CPNE4: variants seen among roughly 807,000 people sequenced by gnomAD.
CPNE4 encodes the protein copine-4.
CPNE4 carries 25 observed loss-of-function variants against 67.9 expected under a neutral mutation model. The observed-to-expected ratio is 0.37, with a 90% confidence interval of 0.27 to 0.51. The LOEUF is 0.51. Ranked by LOEUF, CPNE4 falls within the 20% of genes least tolerant of loss-of-function variation. CPNE4 has a pLI of 0.93. For synonymous variants in CPNE4, 242 were observed against 244.9 expected (o/e 0.99, Z 0.11); for missense variants, 464 against 690.8 (o/e 0.67, Z 3.68).
intron 7 of CPNE4, among the ~76,000 whole-genome samples, chr3:131,632,061 A>T (rs1202256818): frequency 6.6e-6 from 1 of 150,414 alleles, no homozygotes. Context: ...CCAAGATTGC[A>T]CCACTGCGCA....
At chr3:131,974,713 AG>A (rs1447651830) in intron 1 of CPNE4, among the ~76,000 whole-genome samples, 1 of 152,200 alleles carries the variant, frequency 6.6e-6, no homozygotes. Flanking sequence ...AAGGGATTAA[AG>A]AAAAAGAGAT....
At chr3:131,570,210 G>A (rs977166257) in intron 10 of CPNE4, among the ~76,000 whole-genome samples, 1 of 151,790 alleles carries the variant, frequency 6.6e-6, no homozygotes, top group African/African-American at 2.4e-5. Flanking sequence ...TGCTGACAGA[G>A]TGCCTGTGTA....
chr3:131,894,660 A>G (rs1029225470), intron 2 of CPNE4, among the ~76,000 whole-genome samples: 2 of 152,030 alleles, frequency 1.3e-5, no homozygotes, highest in African/African-American at 4.8e-5. Context: ...GAAAACCACA[A>G]TGAGATACCT....
At chr3:131,624,245 C>G (rs979932880) in intron 7 of CPNE4, among the ~76,000 whole-genome samples, 1 of 152,208 alleles carries the variant, frequency 6.6e-6, no homozygotes, top group South Asian at 2.1e-4. Context: ...GACCCTGGCT[C>G]TCTTCCTTGT....
At position 131,587,507 on chromosome 3, in the gene CPNE4, T is replaced by C. The variant is rs1159582444; in HGVS notation, c.757A>G (p.Arg253Gly). The C allele has an allele frequency of 5.6e-6, 9 of 1,613,824 alleles. No homozygotes were observed. Among genetic ancestry groups the C allele is most frequent in the Non-Finnish European group, 7.6e-6 (9 of 1,179,742 alleles). ...GEFTSTFKEM[R>G]GAMEGKQVQW... ...ACCTGTTTCCCTTCCATTGCTCCTC[T>C]CATCTCCTTGAATGTCGAGGTGAAT... is the stretch of plus-strand genomic sequence containing the variant. The change falls in exon 8 of 16, where the codon AGA becomes GGA. Residue 253 changes from arginine (R) to glycine (G), a missense_variant. Transcript: ENST00000429747.
At chr3:131,876,780 T>C (rs943974329) in intron 2 of CPNE4, among the ~76,000 whole-genome samples, 1 of 152,118 alleles carries the variant, frequency 6.6e-6, no homozygotes, top group Non-Finnish European at 1.5e-5. Flanking sequence ...CAGGGCCTAA[T>C]GAAGTGTGAG....
At chr3:131,965,062 C>T (rs545894917) in intron 1 of CPNE4, among the ~76,000 whole-genome samples, 65 of 152,226 alleles carry the variant, frequency 4.3e-4, no homozygotes, top group Middle Eastern at 3.4e-3. Context: ...AGAGTGGGGG[C>T]CAATATTCAA....
chr3:131,929,855 G>T (rs1466007702), intron 1 of CPNE4, among the ~76,000 whole-genome samples: 1 of 152,136 alleles, frequency 6.6e-6, no homozygotes, highest in Non-Finnish European at 1.5e-5. Flanking sequence ...GGTGGTATTG[G>T]CTGCCTGACA....
intron 7 of CPNE4, among the ~76,000 whole-genome samples, chr3:131,668,902 G>A (rs2080327641): frequency 6.6e-6 from 1 of 152,080 alleles, no homozygotes; most frequent in East Asian, 1.9e-4. Flanking sequence ...AAGTGGCCAC[G>A]ATACTTTGGA....
intron 2 of CPNE4, among the ~76,000 whole-genome samples, chr3:131,749,805 C>T (rs2082580144): frequency 6.6e-6 from 1 of 152,002 alleles, no homozygotes; most frequent in South Asian, 2.1e-4. Context: ...ATGATATATC[C>T]TTTTTCATCC....
chr3:131,897,231 C>A (rs1314904043), intron 2 of CPNE4, among the ~76,000 whole-genome samples: 1 of 152,070 alleles, frequency 6.6e-6, no homozygotes. Flanking sequence ...ACACAAAGAT[C>A]TGAGTTCAAA....
intron 2 of CPNE4, among the ~76,000 whole-genome samples, chr3:131,874,536 C>T (rs1481342292): frequency 6.6e-6 from 1 of 152,146 alleles, no homozygotes; most frequent in Non-Finnish European, 1.5e-5. Context: ...ATCACAAGGT[C>T]TCTAAGTTTT....
chr3:131,953,079 C>T (rs1384472971), intron 1 of CPNE4, among the ~76,000 whole-genome samples: 3 of 151,868 alleles, frequency 2.0e-5, no homozygotes, highest in African/African-American at 7.3e-5. Context: ...TCCCTGATCT[C>T]AAGTACCCAG....
chr3:131,777,445 G>A (rs2107845744), intron 2 of CPNE4, among the ~76,000 whole-genome samples: 1 of 150,932 alleles, frequency 6.6e-6, no homozygotes, highest in African/African-American at 2.4e-5. Flanking sequence ...CATATTATAA[G>A]TAGATGTGGG....
chr3:131,586,787 T>C (rs1217877282), intron 8 of CPNE4, among the ~76,000 whole-genome samples: 1 of 152,060 alleles, frequency 6.6e-6, no homozygotes, highest in Non-Finnish European at 1.5e-5. Flanking sequence ...TATTATATGA[T>C]ATGAAAGTGT....
chr3:131,757,425 C>G (rs528102383), intron 2 of CPNE4, among the ~76,000 whole-genome samples: 1 of 152,270 alleles, frequency 6.6e-6, no homozygotes, highest in Admixed American at 6.5e-5. Flanking sequence ...ATTTGTGGAA[C>G]TTTGAACTTG....
intron 2 of CPNE4, among the ~76,000 whole-genome samples, chr3:131,900,098 C>T (rs534900327): frequency 1.5e-4 from 23 of 151,792 alleles, no homozygotes; most frequent in African/African-American, 5.1e-4. Context: ...GTGGAGGGAT[C>T]GGAATTAATC....
chr3:131,976,046 T>A (rs1337119586), intron 1 of CPNE4, among the ~76,000 whole-genome samples: 1 of 151,612 alleles, frequency 6.6e-6, no homozygotes, highest in Non-Finnish European at 1.5e-5. Context: ...ACTATAGGAC[T>A]TTTTTTAAAA....
intron 11 of CPNE4, among the ~76,000 whole-genome samples, chr3:131,560,057 C>T (rs1226442061): frequency 6.6e-6 from 1 of 152,004 alleles, no homozygotes; most frequent in Non-Finnish European, 1.5e-5. Flanking sequence ...AACTTTAGAA[C>T]TGACACAATA....
Sources: allele counts gnomAD v4.1 joint callset (sites outside exome capture counted in the v4.1 genomes callset), GRCh38; gene constraint gnomAD v4.1.1; transcripts MANE v1.5; gene names NCBI Gene and HGNC (gene_info 2026-07-23, HGNC 2026-07-21).